The following DTD1 variants were observed in gnomAD, a reference collection of about 807,000 sequenced individuals.
DTD1 encodes D-aminoacyl-tRNA deacylase 1.
A neutral mutation model predicts 25.6 loss-of-function variants in DTD1; 13 were observed. The observed-to-expected ratio is 0.51, with a 90% CI of 0.33 to 0.81. The LOEUF is 0.81. Among genes scored for constraint, DTD1 ranks in the 30% least tolerant of loss-of-function variants. DTD1 has a pLI of 0.02. For missense variants in DTD1, 193 were observed against 266.4 expected (o/e 0.72, Z 1.92); for synonymous variants, 110 against 103.6 (o/e 1.06, Z -0.37).
chr20:18,741,276 C>T (rs2061277019), intron 4 of DTD1, among the ~76,000 whole-genome samples: 1 of 151,908 alleles, frequency 6.6e-6, no homozygotes, highest in Admixed American at 6.6e-5. Flanking sequence ...CTGCAACCTT[C>T]ATTTTGGGCC....
chr20:18,694,595 C>T (rs568547046), intron 4 of DTD1, among the ~76,000 whole-genome samples: 4 of 152,206 alleles, frequency 2.6e-5, no homozygotes, highest in South Asian at 2.1e-4. Context: ...CTAGAGGCCG[C>T]GGGAAGGGGA....
chr20:18,598,865 C>T (rs925955452), intron 3 of DTD1, among the ~76,000 whole-genome samples: 24 of 152,000 alleles, frequency 1.6e-4, no homozygotes, highest in Non-Finnish European at 3.1e-4. Context: ...ATTCATCCGT[C>T]TCTCTTCCCT....
chr20:18,725,151 A>T (rs2061218638), intron 4 of DTD1, among the ~76,000 whole-genome samples: 1 of 152,196 alleles, frequency 6.6e-6, no homozygotes, highest in East Asian at 1.9e-4. Flanking sequence ...ATTTATACTC[A>T]CTTTTTATTG....
At chr20:18,697,654 T>A (rs768235587) in intron 4 of DTD1, among the ~76,000 whole-genome samples, 1 of 152,212 alleles carries the variant, frequency 6.6e-6, no homozygotes, top group Non-Finnish European at 1.5e-5. Flanking sequence ...GATTTCAGAT[T>A]TTTGGAGTGT....
At chr20:18,697,874 C>T (rs970194607) in intron 4 of DTD1, among the ~76,000 whole-genome samples, 19 of 152,100 alleles carry the variant, frequency 1.2e-4, no homozygotes, top group African/African-American at 3.1e-4. Context: ...TTAGTAGAGA[C>T]GGGGTTTCAC....
At chr20:18,718,917 C>G (rs911580767) in intron 4 of DTD1, among the ~76,000 whole-genome samples, 1 of 152,186 alleles carries the variant, frequency 6.6e-6, no homozygotes, top group Non-Finnish European at 1.5e-5. Context: ...GCCTGACTTG[C>G]CACACCTTCT....
intron 4 of DTD1, among the ~76,000 whole-genome samples, chr20:18,696,234 G>T (rs1423832754): frequency 6.6e-6 from 1 of 152,060 alleles, no homozygotes. Context: ...TCCTGCCTGT[G>T]CGTATTCCCC....
intron 4 of DTD1, among the ~76,000 whole-genome samples, chr20:18,660,592 T>C (rs1057458638): frequency 6.6e-5 from 10 of 152,128 alleles, no homozygotes; most frequent in Non-Finnish European, 7.4e-5. Flanking sequence ...AAAGGCTTTT[T>C]ATTACAAAAA....
intron 4 of DTD1, among the ~76,000 whole-genome samples, chr20:18,653,953 A>G (rs1403585639): frequency 6.6e-6 from 1 of 152,266 alleles, no homozygotes; most frequent in East Asian, 1.9e-4. Flanking sequence ...GTCATGTGAC[A>G]TGGCTAAGTG....
intron 4 of DTD1, among the ~76,000 whole-genome samples, chr20:18,724,875 A>T (rs1037872709): frequency 5.3e-5 from 8 of 152,254 alleles, no homozygotes; most frequent in African/African-American, 1.9e-4. Flanking sequence ...GGAACAAGGC[A>T]GTCCTTAACT....
chr20:18,746,034 G>A (rs944800958), intron 5 of DTD1, among the ~76,000 whole-genome samples: 17 of 151,960 alleles, frequency 1.1e-4, no homozygotes, highest in African/African-American at 2.4e-4. Context: ...TCATTTCAAC[G>A]TGGTGACTGA....
At chr20:18,735,226 G>A (rs576356700) in intron 4 of DTD1, among the ~76,000 whole-genome samples, 1 of 152,308 alleles carries the variant, frequency 6.6e-6, no homozygotes, top group East Asian at 1.9e-4. Flanking sequence ...ATTAGATTTT[G>A]CTCGTATGCA....
intron 4 of DTD1, among the ~76,000 whole-genome samples, chr20:18,726,463 G>T (rs1357865078): frequency 1.3e-5 from 2 of 152,116 alleles, no homozygotes; most frequent in Non-Finnish European, 2.9e-5. Context: ...TCAATCAAGG[G>T]TTTTTTTCCT....
intron 4 of DTD1, among the ~76,000 whole-genome samples, chr20:18,708,305 TATTTTATATATATATTATATA>T (rs2061142288): frequency 1.8e-5 from 1 of 56,620 alleles, no homozygotes; most frequent in Non-Finnish European, 3.3e-5. Flanking sequence ...ATAATATATA[TATTTTATATATATATTATATA>T]TATATATTTT....
At chr20:18,729,472 G>A (rs1273435574) in intron 4 of DTD1, among the ~76,000 whole-genome samples, 1 of 152,206 alleles carries the variant, frequency 6.6e-6, no homozygotes, top group Non-Finnish European at 1.5e-5. Flanking sequence ...ATTTGCAGAA[G>A]TGTCATAATA....
chr20:18,646,788 A>C (rs558678388), intron 4 of DTD1, among the ~76,000 whole-genome samples: 22 of 152,236 alleles, frequency 1.4e-4, no homozygotes, highest in African/African-American at 5.1e-4. Context: ...CTCCAGAAAA[A>C]ACCCACAACC....
chr20:18,717,580 A>T (rs1043566634), intron 4 of DTD1, among the ~76,000 whole-genome samples: 2 of 152,160 alleles, frequency 1.3e-5, no homozygotes, highest in African/African-American at 4.8e-5. Context: ...CAAATTTTCA[A>T]ATTGTCTCAT....
chr20:18,712,037 AC>A (rs2061161053), intron 4 of DTD1, among the ~76,000 whole-genome samples: 1 of 150,614 alleles, frequency 6.6e-6, no homozygotes, highest in Non-Finnish European at 1.5e-5. Flanking sequence ...GCACCACTGC[AC>A]TCCAGCCTGG....
chr20:18,636,394 T>C (rs2060807513), intron 4 of DTD1, among the ~76,000 whole-genome samples: 1 of 152,256 alleles, frequency 6.6e-6, no homozygotes, highest in Admixed American at 6.5e-5. Flanking sequence ...CAGTGGTGTT[T>C]TGCAGAAAAC....
Sources: gnomAD v4.1 joint callset for allele counts (sites outside exome capture counted in the v4.1 genomes callset) on GRCh38, gnomAD v4.1.1 for gene constraint, MANE v1.5 for transcripts, NCBI Gene and HGNC (gene_info 2026-07-23, HGNC 2026-07-21) for gene names.